The following HGF variants were observed in gnomAD, a reference collection of about 807,000 sequenced individuals.
HGF encodes fibroblast-derived tumor cytotoxic factor.
HGF carries 39 observed loss-of-function variants against 111.6 expected under a neutral mutation model. That is an observed-to-expected ratio of 0.35 (90% CI 0.27 to 0.46). The LOEUF (loss-of-function observed/expected upper bound fraction) is 0.46. Among genes scored for constraint, HGF ranks in the 20% least tolerant of loss-of-function variants. The probability of loss-of-function intolerance (pLI) is 1.00; values close to 1 mark genes in which losing one functional copy is unlikely to be tolerated. For synonymous variants in HGF, 285 were observed against 294.8 expected, an observed-to-expected ratio of 0.97 and a Z score of 0.34; for missense variants, 735 against 910.5, an observed-to-expected ratio of 0.81 and a Z score of 2.48.
rs182226324 is a variant in HGF at position 81,759,975 on chromosome 7, G to A, written c.255-1171C>T. ...AAAAATGATAAATTTGTTTTTAAGT[G>A]ATTCCATCTGTAAAGTGGGTGACAG... On this transcript the variant is annotated intron_variant, in intron 2 of 17. Transcript: ENST00000222390. Among the ~76,000 whole-genome samples the A allele has an allele frequency of 2.0e-3, 297 of 152,196 alleles. 1 individual carries two copies. Among genetic ancestry groups the A allele is most frequent in the Middle Eastern group, 0.01 (3 of 294 alleles).
intron 2 of HGF, among the ~76,000 whole-genome samples, chr7:81,761,350 T>G (rs1307003659): frequency 6.6e-6 from 1 of 152,148 alleles, no homozygotes; most frequent in African/African-American, 2.4e-5. Context: ...AAGCAGACAG[T>G]CTTTCCTCAA....
At position 81,762,715 on chromosome 7, in the gene HGF, G is replaced by C. The variant is rs778196890; in HGVS notation, c.246C>G (p.Phe82Leu). The change falls in exon 2 of 18, where the codon TTC (phenylalanine) becomes TTG (leucine). Residue 82 changes from phenylalanine (F) to leucine (L), a missense_variant. Phe to Leu is a conservative substitution (Grantham distance 22). Around this residue, in one of 3 missense-constraint regions of HGF, gnomAD observed 553 missense variants for 685.6 expected, o/e 0.81. Coordinates refer to ENST00000222390, the MANE Select transcript of HGF (RefSeq NM_000601.6). The stretch of plus-strand genomic sequence containing the variant: ...AAAATGAAGTAACTTACTTGCAAGT[G>C]AATGGAAGTCCTTTATTCCTAGTAC... ...NRCTRNKGLPFTCKAFVFDKA... is the reference protein window; with the variant it reads ...NRCTRNKGLPLTCKAFVFDKA... 3 of 1,611,182 alleles carry C rather than the reference G, an allele frequency of 1.9e-6. No homozygotes were observed.
At chr7:81,720,968 G>T (rs1025456327) in intron 9 of HGF, 121 bp from the exon 10 acceptor site, 6 of 679,602 alleles carry the variant, frequency 8.8e-6, no homozygotes, top group African/African-American at 1.8e-5. Flanking sequence ...TGAAAGGGCT[G>T]GGTGCGGTGG....
Position 81,728,910 on chromosome 7 carries a change from C to T in HGF, c.1040+695G>A, listed in dbSNP as rs149920326. Among the ~76,000 whole-genome samples the T allele has an allele frequency of 1.1e-3, 168 of 152,294 alleles. 7 individuals carry two copies. In the East Asian group the frequency reaches 0.03, roughly 27 times the overall value. ...TCAAAAGCAATCACTTTATGTTCCT[C>T]ATAACAAGGTGGACAATTTAAAAAC... On this transcript the variant is annotated intron_variant, in intron 8 of 17. Transcript: ENST00000222390.
intron 4 of HGF, 46 bp from the exon 5 acceptor site, chr7:81,752,308 T>C: frequency 6.4e-7 from 1 of 1,560,852 alleles, no homozygotes; most frequent in Non-Finnish European, 8.8e-7. Flanking sequence ...CATGCAACTT[T>C]TTTTTGCCTA....
chr7:81,728,527 T>G (rs1790079977), intron 8 of HGF, among the ~76,000 whole-genome samples: 1 of 152,222 alleles, frequency 6.6e-6, no homozygotes, highest in Admixed American at 6.5e-5. Context: ...TATGTATTTC[T>G]CAGGTGTGAA....
At chr7:81,733,009 A>C (rs549577538) in intron 7 of HGF, among the ~76,000 whole-genome samples, 39 of 152,250 alleles carry the variant, frequency 2.6e-4, no homozygotes, top group African/African-American at 9.1e-4. Context: ...GATTTAATTG[A>C]AGAATCTTTC....
chr7:81,738,052 G>C (rs1474049436), intron 7 of HGF, among the ~76,000 whole-genome samples: 1 of 152,006 alleles, frequency 6.6e-6, no homozygotes, highest in Non-Finnish European at 1.5e-5. Flanking sequence ...ACATAGAGGG[G>C]AACAATAGAC....
At chr7:81,743,793 A>G (rs1054827707) in intron 6 of HGF, among the ~76,000 whole-genome samples, 4 of 152,180 alleles carry the variant, frequency 2.6e-5, no homozygotes, top group Non-Finnish European at 5.9e-5. Flanking sequence ...TTCATGTAGA[A>G]TGCTCATTAA....
chr7:81,747,140 C>T (rs1025890745), intron 5 of HGF, among the ~76,000 whole-genome samples: 9 of 152,078 alleles, frequency 5.9e-5, no homozygotes, highest in Non-Finnish European at 1.3e-4. Flanking sequence ...AGATCGAGAC[C>T]ATCCTGGCTA....
intron 4 of HGF, chr7:81,756,921 A>G: frequency 1.9e-6 from 1 of 521,644 alleles, no homozygotes; most frequent in African/African-American, 1.9e-5. Context: ...AATCCTTTTA[A>G]ACGAAGTTTA....
intron 13 of HGF, among the ~76,000 whole-genome samples, chr7:81,708,453 G>A (rs954606136): frequency 1.4e-5 from 2 of 148,040 alleles, no homozygotes; most frequent in African/African-American, 5.0e-5. Context: ...ATCCTCTGGG[G>A]TTATAAGATA....
At chr7:81,762,898 A>C (rs748300207) in intron 1 of HGF, 26 bp from the exon 2 acceptor site, 1 of 1,309,682 alleles carries the variant, frequency 7.6e-7, no homozygotes, top group Non-Finnish European at 1.1e-6. Flanking sequence ...TGTTTTAAAA[A>C]AATAAACATT....
intron 9 of HGF, 101 bp downstream of exon 9, chr7:81,725,789 C>A: frequency 7.6e-7 from 1 of 1,324,040 alleles, no homozygotes; most frequent in South Asian, 1.2e-5. Context: ...CCAGCAAAAC[C>A]AGTGCAGCAA....
chr7:81,756,334 T>C (rs1316451133), intron 4 of HGF: 7 of 386,526 alleles, frequency 1.8e-5, no homozygotes, highest in South Asian at 5.8e-5. Context: ...GCAAGGTACA[T>C]GGTAAAGTAA....
At chr7:81,751,101 C>A in intron 5 of HGF, 1 of 956,202 alleles carries the variant, frequency 1.0e-6, no homozygotes. Context: ...GTAGCCTTTA[C>A]TTTTTATGTG....
intron 12 of HGF, among the ~76,000 whole-genome samples, chr7:81,711,202 C>T (rs557693179): frequency 6.6e-6 from 1 of 152,058 alleles, no homozygotes; most frequent in Non-Finnish European, 1.5e-5. Flanking sequence ...CATTGTGCCC[C>T]AAATTAAAAG....
intron 8 of HGF, among the ~76,000 whole-genome samples, chr7:81,727,236 G>A (rs1790041736): frequency 6.6e-6 from 1 of 151,416 alleles, no homozygotes; most frequent in African/African-American, 2.4e-5. Flanking sequence ...GTAGAGACAG[G>A]GTTTCACCGT....
rs1414323193 is a variant in HGF, at chr7:81,705,752, G to A, written c.1759C>T (p.Pro587Ser). Residue 587 changes from proline to serine, a missense_variant and splice_region_variant, in exon 16 of 18, where the codon CCT becomes TCT. Transcript: ENST00000222390. ...CTAACAAAATCATCCAGGACAGCAG[G>A]CCTGAAAACACAAAATACAATGGTA... Reference protein sequence around the residue: ...SDLVLMKLARPAVLDDFVSTI... With the variant: ...SDLVLMKLARSAVLDDFVSTI... 1.9e-6 allele frequency: 3 copies of A among 1,586,186 alleles called. No homozygotes were observed. The highest frequency in any genetic ancestry group is 1.7e-5 in the Admixed American group (1 of 59,686).
Sources: gnomAD v4.1 joint callset for allele counts (sites outside exome capture counted in the v4.1 genomes callset) on GRCh38, gnomAD v4.1.1 for gene constraint, gnomAD v4.1.1 regional missense constraint, MANE v1.5 for transcripts, NCBI Gene and HGNC (gene_info 2026-07-23, HGNC 2026-07-21) for gene names.